Variants in AP1B1 observed in about 807,000 individuals in gnomAD.
AP1B1 encodes adaptor related protein complex 1 subunit beta 1.
AP1B1 carries 36 observed loss-of-function variants against 104.3 expected under a neutral mutation model. That is an observed-to-expected ratio of 0.35 (90% CI 0.26 to 0.46). The LOEUF (loss-of-function observed/expected upper bound fraction) is 0.46, where lower values mean the gene tolerates loss of function less well. AP1B1 is among the 20% of genes least tolerant of loss of function. AP1B1 has a pLI of 1.00. For missense variants in AP1B1, 901 were observed against 1,247.9 expected, an observed-to-expected ratio of 0.72 and a Z score of 4.19; for synonymous variants, 504 against 517.5, an observed-to-expected ratio of 0.97 and a Z score of 0.35.
At chr22:29,353,003 C>T (rs1045384798) in intron 7 of AP1B1, among the ~76,000 whole-genome samples, 1 of 152,178 alleles carries the variant, frequency 6.6e-6, no homozygotes, top group Non-Finnish European at 1.5e-5. Flanking sequence ...AAGGCAACAT[C>T]CTTCTGCCTT....
intron 11 of AP1B1, among the ~76,000 whole-genome samples, chr22:29,346,124 A>G (rs1406775824): frequency 2.6e-5 from 4 of 152,232 alleles, no homozygotes; most frequent in African/African-American, 9.6e-5. Flanking sequence ...AGACAAGGAA[A>G]TGGGTTTGGT....
At chr22:29,370,130 C>T (rs980712845) in intron 1 of AP1B1, among the ~76,000 whole-genome samples, 2 of 152,034 alleles carry the variant, frequency 1.3e-5, no homozygotes, top group Non-Finnish European at 2.9e-5. Flanking sequence ...GAAAGTAACA[C>T]AGAAACCACT....
intron 11 of AP1B1, among the ~76,000 whole-genome samples, chr22:29,347,982 T>G (rs1410614638): frequency 6.6e-6 from 1 of 152,334 alleles, no homozygotes; most frequent in Middle Eastern, 3.4e-3. Flanking sequence ...AAATAAAGCA[T>G]AAATGAATGA....
At position 29,341,544 on chromosome 22, in the gene AP1B1, C is replaced by T. The variant is rs777038100; in HGVS notation, c.1753G>A (p.Gly585Ser). 4 of 1,614,002 alleles carry T rather than the reference C, an allele frequency of 2.5e-6. No individual in the cohort carries two copies. The East Asian group carries it at 8.9e-5, about 36-fold the overall frequency. Reference sequence around the variant, plus strand: ...AGGCTCTTGTGCACGACGCCCCGGCCCCCCTCCACAAAGGCACTGGGAGGC... The same window carrying T: ...AGGCTCTTGTGCACGACGCCCCGGCTCCCCTCCACAAAGGCACTGGGAGGC... ...HKPPSAFVEG[G>S]RGVVHKSLPP... Residue 585 changes from glycine (G) to serine (S), a missense_variant, in exon 13 of 23, where the codon GGC becomes AGC. Gly to Ser is a moderately conservative substitution (Grantham distance 56, BLOSUM62 0). Coordinates refer to ENST00000357586, the MANE Select transcript of AP1B1 (RefSeq NM_001127.4).
At chr22:29,348,480 C>T (rs971381727) in intron 11 of AP1B1, among the ~76,000 whole-genome samples, 7 of 152,182 alleles carry the variant, frequency 4.6e-5, no homozygotes, top group Admixed American at 2.6e-4. Flanking sequence ...TGATAAGCTT[C>T]GCTAAGGCAT....
chr22:29,368,101 C>T (rs1569163784), intron 1 of AP1B1, among the ~76,000 whole-genome samples: 1 of 152,144 alleles, frequency 6.6e-6, no homozygotes, highest in Non-Finnish European at 1.5e-5. Flanking sequence ...AGTTTGAAAC[C>T]AGCCTGGCCA....
chr22:29,373,308 G>A (rs2062272760), intron 1 of AP1B1, among the ~76,000 whole-genome samples: 1 of 152,116 alleles, frequency 6.6e-6, no homozygotes, highest in Non-Finnish European at 1.5e-5. Context: ...GGGGACTGCT[G>A]TACCTGCTCT....
chr22:29,328,771 GCCT>G lies in AP1B1; in HGVS notation c.*47_*49del. On this transcript the variant is annotated 3_prime_UTR_variant, in exon 23 of 23. Transcript: ENST00000357586. This position sits in a 1 kb window ranked among gnomAD's most constrained non-coding sequence, Gnocchi z 4.1. ...GAGGAAGATGTGCTGCCCCCGAGGG[GCCT>G]CCTCGATGGGGCGGGCAGAAGGCTG... 1 of 1,575,844 alleles carries G rather than the reference GCCT, an allele frequency of 6.3e-7. No homozygotes were observed. Among genetic ancestry groups the G allele is most frequent in the African/African-American group, 1.3e-5 (1 of 74,746 alleles).
Position 29,329,701 on chromosome 22 carries a change from G to A in AP1B1, c.2775+11C>T, listed in dbSNP as rs747347896. 7.4e-6 allele frequency: 12 copies of A among 1,613,522 alleles called. No individual in the cohort carries two copies. The South Asian group carries it at 7.7e-5, about 10-fold the overall frequency. On this transcript the variant is annotated intron_variant, in intron 22 of 22. Coordinates refer to ENST00000357586, the MANE Select transcript of AP1B1 (RefSeq NM_001127.4). ...GAGGGCGGACGGGGAAAGAGAAAGCGATCTGCTAACCTCTAAGTCCTGCAC... is the reference window on the plus strand; with the variant it reads ...GAGGGCGGACGGGGAAAGAGAAAGCAATCTGCTAACCTCTAAGTCCTGCAC...
chr22:29,371,176 A>G (rs1382050621), intron 1 of AP1B1, among the ~76,000 whole-genome samples: 1 of 152,164 alleles, frequency 6.6e-6, no homozygotes, highest in Non-Finnish European at 1.5e-5. Flanking sequence ...CATTGTGAGC[A>G]CCTAATGCTG....
intron 1 of AP1B1, among the ~76,000 whole-genome samples, chr22:29,385,538 G>A (rs1225913385): frequency 6.6e-6 from 1 of 152,194 alleles, no homozygotes; most frequent in Admixed American, 6.5e-5. Flanking sequence ...GCTAAGGAAT[G>A]TGAGTTTTAG....
chr22:29,364,985 A>C (rs573502349), intron 2 of AP1B1, among the ~76,000 whole-genome samples: 3 of 152,300 alleles, frequency 2.0e-5, no homozygotes, highest in Admixed American at 6.5e-5. Flanking sequence ...TTGAGACTAC[A>C]GGCCTGAGCC....
Position 29,350,157 on chromosome 22 carries a change from G to A in AP1B1, c.1156-7C>T, listed in dbSNP as rs1490318542. ...CACAGCGCTCCGCAGATTGCTGCAT[G>A]GGAAGAGAAGAGTGTGGGCGAGGTC... On this transcript the variant is annotated splice_polypyrimidine_tract_variant and splice_region_variant and intron_variant, in intron 9 of 22. Transcript: ENST00000357586. The A allele has an allele frequency of 6.2e-7, 1 of 1,612,702 alleles. No individual in the cohort carries two copies.
At chr22:29,355,066 T>C (rs1455343430) in intron 6 of AP1B1, among the ~76,000 whole-genome samples, 195 bp from the exon 7 acceptor site, 1 of 151,944 alleles carries the variant, frequency 6.6e-6, no homozygotes, top group African/African-American at 2.4e-5. Flanking sequence ...TAAAACTTTG[T>C]CTCTACCAAA....
At chr22:29,363,691 T>G (rs1475823713) in intron 2 of AP1B1, among the ~76,000 whole-genome samples, 6 of 151,614 alleles carry the variant, frequency 4.0e-5, no homozygotes, top group Non-Finnish European at 8.8e-5. Flanking sequence ...CTCAGGAGTT[T>G]GAGATCAGCC....
rs956861319 is a variant in AP1B1 at position 29,352,053 on chromosome 22, G to A, written c.939-228C>T. On this transcript the variant is annotated intron_variant, in intron 7 of 22. Coordinates refer to ENST00000357586, the MANE Select transcript of AP1B1 (RefSeq NM_001127.4). ...CTGAGCACGTCGCCGGAAGGGAGAC[G>A]GAGGGCAGTGAGAGACGGCTCACTC... is the stretch of plus-strand genomic sequence containing the variant. Among the ~76,000 whole-genome samples, 6 of 152,208 alleles carry A rather than the reference G, an allele frequency of 3.9e-5. No homozygotes were observed. The East Asian group carries it at 5.8e-4, about 15-fold the overall frequency.
At chr22:29,329,908 G>T in intron 21 of AP1B1, 188 bp from the exon 22 acceptor site, 1 of 1,436,744 alleles carries the variant, frequency 7.0e-7, no homozygotes, top group Non-Finnish European at 9.1e-7. Context: ...GCAGAGTTTG[G>T]GGCTGTCCGG....
At chr22:29,367,380 C>T in intron 1 of AP1B1, 110 bp from the exon 2 acceptor site, 1 of 490,158 alleles carries the variant, frequency 2.0e-6, no homozygotes, top group Non-Finnish European at 3.6e-6. Context: ...AGGAAAACAG[C>T]TGCTTATCTA....
intron 3 of AP1B1, 80 bp from the exon 4 acceptor site, chr22:29,360,039 G>A (rs2062020240): frequency 4.0e-6 from 6 of 1,500,056 alleles, no homozygotes; most frequent in Non-Finnish European, 4.6e-6. Context: ...ACTAGTGGGT[G>A]AGAGGACAGT....
Sources: allele counts gnomAD v4.1 joint callset (sites outside exome capture counted in the v4.1 genomes callset), GRCh38; gene constraint gnomAD v4.1.1; non-coding constraint Gnocchi (gnomAD v3.1); transcripts MANE v1.5; gene names NCBI Gene and HGNC (gene_info 2026-07-23, HGNC 2026-07-21).